PDE4A: variants seen among roughly 807,000 people sequenced by gnomAD.
The protein encoded by PDE4A is phosphodiesterase 4A.
PDE4A carries 21 observed loss-of-function variants against 73.9 expected under a neutral mutation model. That is an observed-to-expected ratio of 0.28 (90% confidence interval 0.20 to 0.41). The LOEUF (loss-of-function observed/expected upper bound fraction) is 0.41. PDE4A is among the 10% of genes least tolerant of loss of function. PDE4A has a pLI of 1.00. For synonymous variants in PDE4A, 463 were observed against 505.4 expected (o/e 0.92, Z 1.13); for missense variants, 958 against 1,211.4 (o/e 0.79, Z 3.10).
intron 1 of PDE4A, among the ~76,000 whole-genome samples, chr19:10,439,548 G>A (rs930544563): frequency 5.3e-5 from 8 of 152,180 alleles, no homozygotes; most frequent in African/African-American, 1.9e-4. Flanking sequence ...TTGTTTGTGA[G>A]TGGGGAGGAA....
chr19:10,468,708 A>C lies in PDE4A; in HGVS notation c.*1087A>C. On this transcript the variant is annotated 3_prime_UTR_variant, in exon 15 of 15. Transcript: ENST00000380702. Reference sequence around the variant, plus strand: ...CCTACCTTTTGCCCTAGGAGGAAGCAATAATGGTGTATACCCTCATTCTCA... The same window carrying C: ...CCTACCTTTTGCCCTAGGAGGAAGCCATAATGGTGTATACCCTCATTCTCA... 1 of 151,824 alleles carries C rather than the reference A, an allele frequency of 6.6e-6. No individual in the cohort carries two copies. 9.4% of individuals were successfully genotyped at this position (151,824 alleles called of 1,614,324 possible).
At chr19:10,417,744 C>A, upstream of PDE4A, 1 of 1,584,686 alleles carries the variant, frequency 6.3e-7, no homozygotes, top group Non-Finnish European at 8.5e-7. Flanking sequence ...CTCGTCCGGT[C>A]CTGGCCTGGG....
At chr19:10,463,679 G>T (rs1302980681) in intron 13 of PDE4A, 114 bp from the exon 14 acceptor site, 1 of 1,531,136 alleles carries the variant, frequency 6.5e-7, no homozygotes, top group African/African-American at 1.4e-5. Context: ...GGAATTACAG[G>T]CGTGAGCCAC....
In PDE4A at chr19:10,438,672, A is replaced by G. The variant is rs532965473; in HGVS notation, c.321-7546A>G. 4.6e-5 allele frequency among the ~76,000 whole-genome samples: 7 copies of G among 152,018 alleles called. No individual in the cohort carries two copies. The South Asian group carries it at 6.2e-4, about 14-fold the overall frequency. ...GCCCAAGCTGGAATGCAATGTCCCAATCTCGGCTCACTGCAACCTCCACCT... is the reference window on the plus strand; with the variant it reads ...GCCCAAGCTGGAATGCAATGTCCCAGTCTCGGCTCACTGCAACCTCCACCT... On this transcript the variant is annotated intron_variant, in intron 1 of 14. Coordinates refer to ENST00000380702, the MANE Select transcript of PDE4A (RefSeq NM_001111307.2).
chr19:10,451,522 A>G (rs1326080654), intron 6 of PDE4A, among the ~76,000 whole-genome samples: 1 of 151,958 alleles, frequency 6.6e-6, no homozygotes, highest in Non-Finnish European at 1.5e-5. Flanking sequence ...GATTCTGAAG[A>G]GTGGCACGCC....
In PDE4A at chr19:10,461,519, G is replaced by A. The variant is rs767876750; in HGVS notation, c.1466-7G>A. On this transcript the variant is annotated splice_region_variant and splice_polypyrimidine_tract_variant and intron_variant, in intron 11 of 14. Transcript: ENST00000380702. ...GGCCCTCCCCTGACCTCCGGGCTGG[G>A]CTGCAGATTCGGAGCTGGCGCTCAT... 1.9e-6 allele frequency: 3 copies of A among 1,613,514 alleles called. No homozygotes were observed. Among genetic ancestry groups the A allele is most frequent in the Non-Finnish European group, 2.5e-6 (3 of 1,179,926 alleles).
intron 1 of PDE4A, among the ~76,000 whole-genome samples, chr19:10,433,717 C>T (rs912949619): frequency 6.6e-6 from 1 of 152,234 alleles, no homozygotes; most frequent in Admixed American, 6.5e-5. Flanking sequence ...CCTGGCACTA[C>T]GCGCCTGCCT....
At chr19:10,426,223 AC>A (rs2042716354) in intron 1 of PDE4A, among the ~76,000 whole-genome samples, 1 of 151,900 alleles carries the variant, frequency 6.6e-6, no homozygotes, top group African/African-American at 2.4e-5. Context: ...TCGCTGTGTG[AC>A]CTTCACCTGT....
Position 10,461,982 on chromosome 19 carries a change from T to C in PDE4A, c.1726T>C (p.Tyr576His), listed in dbSNP as rs201036218. Residue 576 changes from tyrosine (Y) to histidine (H), a missense_variant, in exon 13 of 15, where the codon TAC becomes CAC. Transcript: ENST00000380702. ...CTCAGGGGTCCTCCTGCTAGATAACTACTCCGACCGCATCCAGGTGCCCCC... is the reference window on the plus strand; with the variant it reads ...CTCAGGGGTCCTCCTGCTAGATAACCACTCCGACCGCATCCAGGTGCCCCC... ...TSSGVLLLDNYSDRIQVLRNM... is the reference protein window; with the variant it reads ...TSSGVLLLDNHSDRIQVLRNM... The C allele has an allele frequency of 3.1e-6, 5 of 1,613,674 alleles. No individual in the cohort carries two copies. The highest frequency in any genetic ancestry group is 4.2e-6 in the Non-Finnish European group (5 of 1,179,782).
intron 1 of PDE4A, among the ~76,000 whole-genome samples, chr19:10,436,373 T>C (rs1217497096): frequency 6.6e-6 from 1 of 152,012 alleles, no homozygotes; most frequent in East Asian, 1.9e-4. Context: ...CTGACCAACA[T>C]GGAGAAACCC....
At chr19:10,455,064 G>T in intron 7 of PDE4A, 142 bp downstream of exon 7, 1 of 762,870 alleles carries the variant, frequency 1.3e-6, no homozygotes. Flanking sequence ...ACCCTATCCA[G>T]GAACCCTCAT....
chr19:10,465,764 G>T (rs1311787839), intron 14 of PDE4A, among the ~76,000 whole-genome samples: 3 of 116,194 alleles, frequency 2.6e-5, no homozygotes, highest in Non-Finnish European at 5.0e-5. Flanking sequence ...GCAATGGCGC[G>T]ATCTTGGCTC....
At chr19:10,456,728 C>T (rs781728007) in intron 7 of PDE4A, among the ~76,000 whole-genome samples, 6 of 151,886 alleles carry the variant, frequency 4.0e-5, no homozygotes, top group Non-Finnish European at 7.4e-5. Context: ...ATTCCTAATT[C>T]AATGGAACCC....
At position 10,457,968 on chromosome 19, in the gene PDE4A, C is replaced by T. The variant is rs772867456; in HGVS notation, c.967C>T (p.Pro323Ser). 2.3e-5 allele frequency: 37 copies of T among 1,613,938 alleles called. No individual in the cohort carries two copies. The highest frequency in any genetic ancestry group is 3.1e-5 in the Non-Finnish European group (37 of 1,180,008). ...APRPRPSQPP[P>S]PPVPHLQPMS... ...GCGACCAAGACCCTCCCAGCCGCCC[C>T]CGCCCCCTGTACCACACTTACAGCC... Residue 323 changes from proline to serine, a missense_variant, in exon 8 of 15, where the codon CCG becomes TCG. Physicochemically the swap from Pro to Ser is moderately conservative, Grantham distance 74 (BLOSUM62 -1). Coordinates refer to ENST00000380702, the MANE Select transcript of PDE4A (RefSeq NM_001111307.2).
intron 2 of PDE4A, among the ~76,000 whole-genome samples, chr19:10,446,901 C>CTTTTTTTCTCTTTTTTTTTTTTTTTT (rs1939804348): frequency 4.1e-5 from 6 of 145,440 alleles, no homozygotes; most frequent in African/African-American, 7.6e-5. Context: ...GCCTCAGTTC[C>CTTTTTTTCTCTTTTTTTTTTTTTTTT]TTTTTTTTTT....
At position 10,459,565 on chromosome 19, in the gene PDE4A, G is replaced by A. The variant is rs201911415; in HGVS notation, c.1201-30G>A. The A allele has an allele frequency of 1.3e-5, 21 of 1,611,652 alleles. No individual in the cohort carries two copies. The Admixed American group carries it at 1.3e-4, about 10-fold the overall frequency. ...TAGCGGGGCGCTGGAGGCCGGTGGA[G>A]GTCACCACCCTGCCCCTGCCTGCTC... On this transcript the variant is annotated intron_variant, in intron 9 of 14. Coordinates refer to ENST00000380702, the MANE Select transcript of PDE4A (RefSeq NM_001111307.2).
At position 10,420,865 on chromosome 19, in the gene PDE4A, G is replaced by T; in HGVS notation, c.101G>T (p.Trp34Leu). The T allele has an allele frequency of 6.3e-7, 1 of 1,589,436 alleles. No homozygotes were observed. Among genetic ancestry groups the T allele is most frequent in the East Asian group, 2.3e-5 (1 of 43,636 alleles). The change falls in exon 1 of 15, where the codon TGG becomes TTG. Residue 34 changes from tryptophan to leucine, a missense_variant. Coordinates refer to ENST00000380702, the MANE Select transcript of PDE4A (RefSeq NM_001111307.2). The surrounding 1 kb of genome is among the most constrained non-coding windows in gnomAD (Gnocchi z 6.0). ...CTGAAGCCTCCCCCGCAGCACCTGT[G>T]GCGGCAGCCTCGGACCCCCATCCGT... ...ATLKPPPQHL[W>L]RQPRTPIRIQ...
At chr19:10,417,900 TG>T, upstream of PDE4A, 4 of 1,532,682 alleles carry the variant, frequency 2.6e-6, no homozygotes, top group Non-Finnish European at 2.6e-6. Context: ...GGAGGTGGGT[TG>T]GGGAGGCACA....
upstream of PDE4A, among the ~76,000 whole-genome samples, chr19:10,418,388 C>G (rs924395241): frequency 6.6e-6 from 1 of 152,184 alleles, no homozygotes; most frequent in Non-Finnish European, 1.5e-5. Flanking sequence ...TACTCAACCC[C>G]CCTCTTGGCT....
Sources: gnomAD v4.1 joint callset for allele counts (sites outside exome capture counted in the v4.1 genomes callset) on GRCh38, gnomAD v4.1.1 for gene constraint, Gnocchi (gnomAD v3.1) non-coding constraint, MANE v1.5 for transcripts, NCBI Gene and HGNC (gene_info 2026-07-23, HGNC 2026-07-21) for gene names.